SCN7A: variants seen among roughly 807,000 people sequenced by gnomAD.
SCN7A encodes the protein sodium voltage-gated channel alpha subunit 7.
A neutral mutation model predicts 155.2 loss-of-function variants in SCN7A; 138 were observed. The observed-to-expected ratio is 0.89, with a 90% confidence interval of 0.77 to 1.02. SCN7A has a LOEUF of 1.02. Among genes scored for constraint, SCN7A ranks in the 50% least tolerant of loss-of-function variants. SCN7A has a pLI of 0.00. For synonymous variants in SCN7A, 693 were observed against 649.0 expected (o/e 1.07, Z -1.03); for missense variants, 2,058 against 1,986.6 (o/e 1.04, Z -0.68).
At chr2:166,453,009 G>A (rs1470387565) in intron 11 of SCN7A, among the ~76,000 whole-genome samples, 1 of 152,060 alleles carries the variant, frequency 6.6e-6, no homozygotes. Context: ...ACAGCCATGC[G>A]TTCTTGTGTT....
In SCN7A at chr2:166,416,757, T is replaced by C. The variant is rs373300942; in HGVS notation, c.3364A>G (p.Lys1122Glu). 144 of 1,612,272 alleles carry C rather than the reference T, an allele frequency of 8.9e-5. No homozygotes were observed. The highest frequency in any genetic ancestry group is 1.2e-4 in the Non-Finnish European group (141 of 1,179,096). Reference sequence around the variant, plus strand: ...TTTCCAACATTATCAAAGTTCATTTTTGCATTTTCCCATAGCATGGATTCG... The same window carrying C: ...TTTCCAACATTATCAAAGTTCATTTCTGCATTTTCCCATAGCATGGATTCG... Reference protein sequence around the residue: ...FNESMLWENAKMNFDNVGNGF... With the variant: ...FNESMLWENAEMNFDNVGNGF... The change falls in exon 21 of 26, where the codon AAA becomes GAA. Residue 1122 changes from lysine to glutamate, a missense_variant. Physicochemically the swap from Lys to Glu is moderately conservative, Grantham distance 56. Transcript: ENST00000643258.
intron 23 of SCN7A, among the ~76,000 whole-genome samples, chr2:166,411,104 G>A (rs770068860): frequency 1.3e-5 from 2 of 152,016 alleles, no homozygotes; most frequent in African/African-American, 2.4e-5. Flanking sequence ...TTCATTGGTG[G>A]AGACTCAAGA....
At chr2:166,427,393 C>T (rs530227359) in intron 18 of SCN7A, among the ~76,000 whole-genome samples, 2 of 152,082 alleles carry the variant, frequency 1.3e-5, no homozygotes, top group South Asian at 4.2e-4. Flanking sequence ...CAATAGTTCC[C>T]TTTCCTTTGA....
chr2:166,452,573 G>C (rs1350453208), intron 11 of SCN7A, among the ~76,000 whole-genome samples: 1 of 152,040 alleles, frequency 6.6e-6, no homozygotes, highest in African/African-American at 2.4e-5. Context: ...CATGAATTAT[G>C]ACTATCATTT....
intron 1 of SCN7A, among the ~76,000 whole-genome samples, chr2:166,489,341 TTACATC>T: frequency 6.6e-6 from 1 of 152,328 alleles, no homozygotes; most frequent in East Asian, 1.9e-4. Flanking sequence ...GAGTGAAGTG[TTACATC>T]TATGGAAAGA....
At chr2:166,457,382 A>C (rs1291887124) in intron 10 of SCN7A, among the ~76,000 whole-genome samples, 1 of 152,214 alleles carries the variant, frequency 6.6e-6, no homozygotes. Flanking sequence ...ATTTGAAATA[A>C]TTGTCATCTC....
intron 5 of SCN7A, 122 bp from the exon 6 acceptor site, chr2:166,472,567 T>A: frequency 1.2e-6 from 1 of 820,720 alleles, no homozygotes; most frequent in South Asian, 1.9e-5. Context: ...TGAGACCAGG[T>A]CTACTTGGTA....
At chr2:166,481,749 A>T (rs994459605) in intron 2 of SCN7A, among the ~76,000 whole-genome samples, 8 of 152,170 alleles carry the variant, frequency 5.3e-5, no homozygotes, top group African/African-American at 1.9e-4. Context: ...CAATTTACAG[A>T]CAAGCTAAAA....
At chr2:166,489,567 C>G (rs971735488) in intron 1 of SCN7A, among the ~76,000 whole-genome samples, 1 of 152,170 alleles carries the variant, frequency 6.6e-6, no homozygotes, top group Non-Finnish European at 1.5e-5. Context: ...CTTTAAATAC[C>G]TCTTGACTTC....
At chr2:166,478,853 A>T (rs748108101) in intron 2 of SCN7A, among the ~76,000 whole-genome samples, 7 of 151,994 alleles carry the variant, frequency 4.6e-5, no homozygotes, top group Non-Finnish European at 1.0e-4. Flanking sequence ...AGTAGTGTTC[A>T]TTAAATATAA....
At chr2:166,487,560 A>G (rs777370509) in intron 1 of SCN7A, among the ~76,000 whole-genome samples, 1 of 151,994 alleles carries the variant, frequency 6.6e-6, no homozygotes, top group African/African-American at 2.4e-5. Flanking sequence ...ATTTATTCCC[A>G]TCTTAGGGAA....
chr2:166,437,765 T>G (rs1701870638), intron 15 of SCN7A, among the ~76,000 whole-genome samples: 1 of 152,130 alleles, frequency 6.6e-6, no homozygotes, highest in South Asian at 2.1e-4. Context: ...CTTTAAGGTT[T>G]AGTGACTGCC....
In SCN7A at chr2:166,432,654, C is replaced by T. The variant is rs1701758030; in HGVS notation, c.2256G>A (p.Val752=). 6.2e-7 allele frequency: 1 copy of T among 1,609,168 alleles called. No homozygotes were observed. The highest frequency in any genetic ancestry group is 1.3e-5 in the African/African-American group (1 of 74,548). ...NNEAKNLQLA[V]ARIKKGINYV... is the part of the protein sequence containing the mutation. ...AGTTTATTCCTTTTTTAATTCTTGC[C>T]ACTGCAAGCTGGAGATTTTTTGCTT... Residue 752 remains valine (V), a synonymous_variant, in exon 16 of 26, where the codon GTG becomes GTA. Coordinates refer to ENST00000643258, the MANE Select transcript of SCN7A (RefSeq NM_002976.4).
At chr2:166,424,303 AAAGATGTTC>A (rs1169779923) in intron 18 of SCN7A, among the ~76,000 whole-genome samples, 2 of 152,114 alleles carry the variant, frequency 1.3e-5, no homozygotes, top group Non-Finnish European at 2.9e-5. Context: ...AATATAATAA[AAAGATGTTC>A]AAAAGCCTCC....
intron 1 of SCN7A, among the ~76,000 whole-genome samples, chr2:166,491,340 G>A (rs1201575698): frequency 6.6e-6 from 1 of 152,132 alleles, no homozygotes; most frequent in Non-Finnish European, 1.5e-5. Flanking sequence ...GCCGTCCATT[G>A]AGCTGGTTAT....
chr2:166,456,771 G>A (rs1159272374), intron 11 of SCN7A, 99 bp downstream of exon 11: 2 of 553,546 alleles, frequency 3.6e-6, no homozygotes, highest in Non-Finnish European at 5.5e-6. Flanking sequence ...ATAGAATCAT[G>A]AGCAAATAAA....
At chr2:166,443,185 T>C (rs1559106705) in intron 14 of SCN7A, among the ~76,000 whole-genome samples, 1 of 152,172 alleles carries the variant, frequency 6.6e-6, no homozygotes, top group Non-Finnish European at 1.5e-5. Context: ...GGCTTCTTGG[T>C]GACATATTAG....
intron 7 of SCN7A, 139 bp from the exon 8 acceptor site, chr2:166,466,126 CATAA>C (rs1459605043): frequency 1.6e-6 from 1 of 635,028 alleles, no homozygotes; most frequent in East Asian, 2.7e-5. Flanking sequence ...ATTTGGGCCT[CATAA>C]ATAAAGTGAA....
At chr2:166,430,830 T>C (rs1459426470) in intron 16 of SCN7A, among the ~76,000 whole-genome samples, 1 of 151,988 alleles carries the variant, frequency 6.6e-6, no homozygotes, top group African/African-American at 2.4e-5. Context: ...ATCAGATCAT[T>C]TATAATATTT....
Sources: gnomAD v4.1 joint callset for allele counts (sites outside exome capture counted in the v4.1 genomes callset) on GRCh38, gnomAD v4.1.1 for gene constraint, MANE v1.5 for transcripts, NCBI Gene and HGNC (gene_info 2026-07-23, HGNC 2026-07-21) for gene names.